CFAP47: variants seen among roughly 807,000 people sequenced by gnomAD.
The protein encoded by CFAP47 is cilia and flagella associated protein 47.
In CFAP47, 29 loss-of-function variants were observed where a neutral mutation model predicts 148.1. The ratio of observed to expected loss-of-function variants is 0.20; its 90% confidence interval spans 0.15 to 0.27. The LOEUF (loss-of-function observed/expected upper bound fraction) is 0.27. Among genes scored for constraint, CFAP47 ranks in the 10% least tolerant of loss-of-function variants. The probability of loss-of-function intolerance (pLI) is 1.00; values close to 1 mark genes in which losing one functional copy is unlikely to be tolerated. For synonymous variants in CFAP47, 664 were observed against 577.3 expected (o/e 1.15, Z -2.15); for missense variants, 1,872 against 1,697.5 (o/e 1.10, Z -1.81).
At chrX:36,323,339 C>A (rs1941492289) in intron 57 of CFAP47, among the ~76,000 whole-genome samples, 1 of 103,026 alleles carries the variant, frequency 9.7e-6, no homozygotes, top group African/African-American at 3.5e-5. Flanking sequence ...TTTCCTAGGC[C>A]TTTTTTTTTT....
chrX:36,131,406 T>C (rs1429988363), intron 33 of CFAP47, among the ~76,000 whole-genome samples: 1 of 110,570 alleles, frequency 9.0e-6, no homozygotes, highest in African/African-American at 3.3e-5. Context: ...GCAGGGAGTA[T>C]ATGGGAAATC....
intron 33 of CFAP47, among the ~76,000 whole-genome samples, chrX:36,127,502 T>C (rs1379122034): frequency 4.5e-5 from 5 of 111,635 alleles, no homozygotes; most frequent in African/African-American, 1.6e-4. Flanking sequence ...TGCAGCCTTG[T>C]AGTATAGTTT....
intron 54 of CFAP47, among the ~76,000 whole-genome samples, chrX:36,304,427 C>T (rs1467758739): frequency 2.7e-5 from 3 of 109,590 alleles, no homozygotes; most frequent in African/African-American, 9.9e-5. Flanking sequence ...TTATATACTT[C>T]TCCCCTTGAA....
chrX:35,960,959 A>C (rs1936321890), intron 8 of CFAP47, among the ~76,000 whole-genome samples: 1 of 111,886 alleles, frequency 8.9e-6, no homozygotes, highest in South Asian at 3.7e-4. Flanking sequence ...GAAAGCATTT[A>C]GTCTCTTATC....
At chrX:35,975,012 CTAT>C in intron 13 of CFAP47, 132 bp from the exon 14 acceptor site, 4 of 381,875 alleles carry the variant, frequency 1.0e-5, no homozygotes, top group Non-Finnish European at 1.8e-5. Context: ...ATAATTCCTG[CTAT>C]TATTGTAAAT....
Position 36,257,623 on chromosome X carries a change from A to G in CFAP47, c.7444+6179A>G, listed in dbSNP as rs184626806. Among the ~76,000 whole-genome samples, 579 of 110,255 alleles carry G rather than the reference A, an allele frequency of 5.3e-3. 1 individual carries two copies. The highest frequency in any genetic ancestry group is 0.018 in the African/African-American group (554 of 30,307). ...TTTGTTTAACATATGGAGCCTGACC[A>G]TGTTGCTCAGGCTGCTCTTGAACTG... On this transcript the variant is annotated intron_variant, in intron 49 of 63. Coordinates refer to ENST00000378653, the MANE Select transcript of CFAP47 (RefSeq NM_001304548.2).
At chrX:35,943,311 G>T (rs1936037530) in intron 3 of CFAP47, among the ~76,000 whole-genome samples, 1 of 111,681 alleles carries the variant, frequency 9.0e-6, no homozygotes, top group African/African-American at 3.2e-5. Context: ...TTACAAATTT[G>T]TATGTATACT....
intron 32 of CFAP47, among the ~76,000 whole-genome samples, chrX:36,101,182 G>A (rs1326305679): frequency 8.9e-6 from 1 of 111,817 alleles, no homozygotes; most frequent in African/African-American, 3.3e-5. Context: ...AGTCATATAG[G>A]GCCTACTCTG....
At chrX:36,358,637 C>G (rs1294116372) in intron 60 of CFAP47, among the ~76,000 whole-genome samples, 1 of 111,558 alleles carries the variant, frequency 9.0e-6, no homozygotes, top group Admixed American at 9.6e-5. Flanking sequence ...TCTTAGAAGT[C>G]CCACATCTTC....
intron 51 of CFAP47, among the ~76,000 whole-genome samples, chrX:36,297,029 A>G (rs1395964406): frequency 3.6e-5 from 4 of 111,962 alleles, no homozygotes; most frequent in African/African-American, 1.3e-4. Flanking sequence ...AAGAATTCAT[A>G]ATTCTAATGT....
chrX:36,379,532 G>T lies in CFAP47; in HGVS notation c.9354+14G>T. 1 of 1,119,870 alleles carries T rather than the reference G, an allele frequency of 8.9e-7. No homozygotes were observed. 92.3% of individuals were successfully genotyped at this position (1,119,870 alleles called of 1,213,427 possible). A position where few individuals can be genotyped will look rare whatever the true frequency, so the allele number is the denominator to read the frequency against. ...TTAGTAATACAGGTGAGTTCTATAA[G>T]GGCAATAGCCAAGGATGTTTGATGC... On this transcript the variant is annotated intron_variant, in intron 63 of 63. Coordinates refer to ENST00000378653, the MANE Select transcript of CFAP47 (RefSeq NM_001304548.2).
At chrX:36,031,823 G>T (rs907166440) in intron 23 of CFAP47, among the ~76,000 whole-genome samples, 1 of 81,850 alleles carries the variant, frequency 1.2e-5, no homozygotes, top group African/African-American at 1.3e-4. Context: ...AATTAGGAAG[G>T]AAAACAGACA....
At chrX:36,055,769 TC>T (rs1937549887) in intron 26 of CFAP47, among the ~76,000 whole-genome samples, 1 of 112,423 alleles carries the variant, frequency 8.9e-6, no homozygotes, top group Non-Finnish European at 1.9e-5. Context: ...AATTTACATT[TC>T]CACCAACAGT....
chrX:35,923,551 C>T (rs138893896), intron 1 of CFAP47, among the ~76,000 whole-genome samples: 257 of 110,777 alleles, frequency 2.3e-3, no homozygotes, highest in East Asian at 0.015. Context: ...CTGGGCACGA[C>T]GGCTCATGCC....
chrX:36,161,902 G>C (rs1404423390), intron 39 of CFAP47, among the ~76,000 whole-genome samples: 1 of 112,027 alleles, frequency 8.9e-6, no homozygotes. Context: ...ATATGATTTA[G>C]TGCAATTTTA....
At chrX:36,280,353 A>C in intron 49 of CFAP47, 134 bp from the exon 50 acceptor site, 1 of 303,726 alleles carries the variant, frequency 3.3e-6, no homozygotes, top group Non-Finnish European at 5.8e-6. Flanking sequence ...TAATTCTAAC[A>C]CTGACATCTA....
At chrX:36,133,273 G>A (rs1375064357) in intron 33 of CFAP47, among the ~76,000 whole-genome samples, 1 of 111,021 alleles carries the variant, frequency 9.0e-6, no homozygotes, top group Non-Finnish European at 1.9e-5. Context: ...CCTAGTGTAG[G>A]GGCAGGCAAT....
At chrX:36,192,615 C>T (rs5972028) in intron 42 of CFAP47, among the ~76,000 whole-genome samples, 5,320 of 111,181 alleles carry the variant, frequency 0.048, 359 homozygotes, top group African/African-American at 0.17. Flanking sequence ...GAGTTAACAG[C>T]GGGTTCCAGT....
Position 36,384,905 on chromosome X carries a change from A to G in CFAP47, c.9463A>G (p.Met3155Val), listed in dbSNP as rs199773068. ...TGCTACTCACAAGACACATGACAACATGCCAGTCCGTCCACATAATTTTGT... is the reference window on the plus strand; with the variant it reads ...TGCTACTCACAAGACACATGACAACGTGCCAGTCCGTCCACATAATTTTGT... ...IDATHKTHDN[M>V]PVRPHNFVRE... Residue 3155 changes from methionine (M) to valine (V), a missense_variant, in exon 64 of 64, where the codon ATG (methionine) becomes GTG (valine). Physicochemically the swap from Met to Val is conservative, Grantham distance 21 (BLOSUM62 1). Transcript: ENST00000378653. 2.6e-4 allele frequency: 302 copies of G among 1,164,109 alleles called. No individual in the cohort carries two copies. Among genetic ancestry groups the G allele is most frequent in the Middle Eastern group, 1.6e-3 (7 of 4,303 alleles).
Sources: allele counts gnomAD v4.1 joint callset (sites outside exome capture counted in the v4.1 genomes callset), GRCh38; gene constraint gnomAD v4.1.1; transcripts MANE v1.5; gene names NCBI Gene and HGNC (gene_info 2026-07-23, HGNC 2026-07-21).